Variants in SPPL3 observed in about 807,000 individuals in gnomAD.
The protein encoded by SPPL3 is signal peptide peptidase-like 3.
In SPPL3, 5 loss-of-function variants were observed where a neutral mutation model predicts 42.4. The ratio of observed to expected loss-of-function variants is 0.12; its 90% CI spans 0.06 to 0.25. SPPL3 has a LOEUF of 0.25. Among genes scored for constraint, SPPL3 ranks in the 10% least tolerant of loss-of-function variants. The pLI, the probability that SPPL3 is intolerant of heterozygous loss-of-function variation, is 1.00. For missense variants in SPPL3, 235 were observed against 489.0 expected, an observed-to-expected ratio of 0.48 and a Z score of 4.90; for synonymous variants, 195 against 181.8, an observed-to-expected ratio of 1.07 and a Z score of -0.58.
intron 1 of SPPL3, among the ~76,000 whole-genome samples, chr12:120,866,749 G>C (rs752949434): frequency 3.3e-5 from 5 of 152,132 alleles, no homozygotes; most frequent in Admixed American, 6.5e-5. Flanking sequence ...TGATTTTTCT[G>C]AACTTTTGGC....
intron 2 of SPPL3, among the ~76,000 whole-genome samples, chr12:120,809,776 T>A (rs1279117442): frequency 2.6e-5 from 4 of 152,292 alleles, no homozygotes; most frequent in South Asian, 2.1e-4. Context: ...TACCTGGTAA[T>A]GCTACAAGGC....
Position 120,778,791 on chromosome 12 carries a change from G to GA in SPPL3, c.502+3863dup, listed in dbSNP as rs1458546131. ...TGTACTGGTCAAAGTCACTTACGAA[G>GA]AAAAAAAATTCCTAGATGCAGAAGG... On this transcript the variant is annotated intron_variant, in intron 6 of 10. Transcript: ENST00000353487. Among the ~76,000 whole-genome samples, 41 of 151,754 alleles carry GA rather than the reference G, an allele frequency of 2.7e-4. 1 individual carries two copies. Among genetic ancestry groups the GA allele is most frequent in the Admixed American group, 2.4e-3 (37 of 15,254 alleles).
chr12:120,827,116 G>A (rs538057039), intron 1 of SPPL3, among the ~76,000 whole-genome samples: 22 of 151,904 alleles, frequency 1.4e-4, no homozygotes, highest in South Asian at 8.3e-4. Flanking sequence ...TTGAAAGTGT[G>A]GGTTTTAAAG....
At chr12:120,839,277 A>G (rs1167322615) in intron 1 of SPPL3, among the ~76,000 whole-genome samples, 1 of 147,704 alleles carries the variant, frequency 6.8e-6, no homozygotes, top group Non-Finnish European at 1.5e-5. Context: ...CAAACACCGC[A>G]TGTTCTCACT....
chr12:120,767,428 G>C lies in SPPL3; in HGVS notation c.939C>G (p.Ser313=). Residue 313 remains serine (S), a synonymous_variant, in exon 9 of 11, where the codon TCC becomes TCG. Coordinates refer to ENST00000353487, the MANE Select transcript of SPPL3 (RefSeq NM_139015.5). Reference sequence around the variant, plus strand: ...ATCCGATGAGGGTGCAGTGAAAGTAGGAGACCTTCTGCATGCGCCCGGAGA... The same window carrying C: ...ATCCGATGAGGGTGCAGTGAAAGTACGAGACCTTCTGCATGCGCCCGGAGA... ...ANISGRMQKV[S]YFHCTLIGYF... is the part of the protein sequence containing the mutation. 1 of 1,613,618 alleles carries C rather than the reference G, an allele frequency of 6.2e-7. No individual in the cohort carries two copies. Among genetic ancestry groups the C allele is most frequent in the South Asian group, 1.1e-5 (1 of 91,070 alleles).
At position 120,776,297 on chromosome 12, in the gene SPPL3, A is replaced by G. The variant is rs775747326; in HGVS notation, c.502+6358T>C. ...TTTCAACTATGAAGTGAATTTTCCA[A>G]TGGAAATGTACTTCTGATAGCGGCC... is the stretch of plus-strand genomic sequence containing the variant. On this transcript the variant is annotated intron_variant, in intron 6 of 10. Coordinates refer to ENST00000353487, the MANE Select transcript of SPPL3 (RefSeq NM_139015.5). 6.6e-4 allele frequency among the ~76,000 whole-genome samples: 100 copies of G among 152,338 alleles called. 1 individual carries two copies. The highest frequency in any genetic ancestry group is 4.4e-4 in the Non-Finnish European group (30 of 68,032).
chr12:120,851,680 T>A (rs887849775), intron 1 of SPPL3, among the ~76,000 whole-genome samples: 2 of 152,174 alleles, frequency 1.3e-5, no homozygotes, highest in African/African-American at 4.8e-5. Flanking sequence ...CACGACTGAC[T>A]GGAGCCTTGA....
intron 6 of SPPL3, among the ~76,000 whole-genome samples, chr12:120,772,974 T>G (rs1300039679): frequency 6.6e-6 from 1 of 152,248 alleles, no homozygotes; most frequent in Non-Finnish European, 1.5e-5. Context: ...AGGTCTCCTT[T>G]AATTTTTAAA....
rs137948660 is a variant in SPPL3, at chr12:120,804,971, A to T, written c.101+5838T>A. 4.5e-3 allele frequency among the ~76,000 whole-genome samples: 691 copies of T among 152,330 alleles called. 4 individuals are homozygous for T. The highest frequency in any genetic ancestry group is 0.015 in the African/African-American group (627 of 41,586). On this transcript the variant is annotated intron_variant, in intron 2 of 10. Coordinates refer to ENST00000353487, the MANE Select transcript of SPPL3 (RefSeq NM_139015.5). Reference sequence around the variant, plus strand: ...AACATGCTAAGTGAAAGAAGCCAGTAACAAAAGGTCACATACTGTATGACA... The same window carrying T: ...AACATGCTAAGTGAAAGAAGCCAGTTACAAAAGGTCACATACTGTATGACA...
intron 1 of SPPL3, among the ~76,000 whole-genome samples, chr12:120,819,685 CAGCAGA>C (rs1166039238): frequency 6.6e-6 from 1 of 152,192 alleles, no homozygotes; most frequent in Non-Finnish European, 1.5e-5. Context: ...CTTTGGAATA[CAGCAGA>C]AGTGCTTTGT....
intron 1 of SPPL3, among the ~76,000 whole-genome samples, chr12:120,865,073 A>G (rs1339050085): frequency 6.6e-6 from 1 of 152,200 alleles, no homozygotes; most frequent in Admixed American, 6.5e-5. Context: ...TGAGGATCCC[A>G]TGAGAGATTT....
rs915628127 is a variant in SPPL3, at chr12:120,904,272, G to C, written c.-405C>G. 5.9e-6 allele frequency: 1 copy of C among 170,572 alleles called. No homozygotes were observed. The highest frequency in any genetic ancestry group is 1.2e-5 in the Non-Finnish European group (1 of 81,816). The allele number at this position is 170,572 out of a possible 1,614,324, so 10.6% of individuals were successfully genotyped here. A position where few individuals can be genotyped will look rare whatever the true frequency, so the allele number is the denominator to read the frequency against. On this transcript the variant is annotated 5_prime_UTR_variant, in exon 1 of 11. Coordinates refer to ENST00000353487, the MANE Select transcript of SPPL3 (RefSeq NM_139015.5). Reference sequence around the variant, plus strand: ...CGGGCGGCGGCGGCGGCGGCCGGGGGACATGGCCGGCGGGCGGAGGCGGCG... The same window carrying C: ...CGGGCGGCGGCGGCGGCGGCCGGGGCACATGGCCGGCGGGCGGAGGCGGCG...
chr12:120,847,228 G>A (rs1352841692), intron 1 of SPPL3, among the ~76,000 whole-genome samples: 4 of 152,064 alleles, frequency 2.6e-5, no homozygotes, highest in African/African-American at 9.7e-5. Context: ...ATTAGAGAGG[G>A]AAAAAGAAGA....
At chr12:120,840,783 G>A (rs1871797235) in intron 1 of SPPL3, among the ~76,000 whole-genome samples, 1 of 152,040 alleles carries the variant, frequency 6.6e-6, no homozygotes, top group African/African-American at 2.4e-5. Flanking sequence ...AGTGAGACAA[G>A]ATTGTGCCAT....
intron 1 of SPPL3, among the ~76,000 whole-genome samples, chr12:120,879,981 CTT>C (rs561660479): frequency 3.5e-5 from 5 of 142,910 alleles, no homozygotes; most frequent in African/African-American, 7.7e-5. Context: ...CTGCTTTTAT[CTT>C]TTTTTTTTTT....
At chr12:120,792,332 G>C (rs1345175049) in intron 2 of SPPL3, among the ~76,000 whole-genome samples, 1 of 92,654 alleles carries the variant, frequency 1.1e-5, no homozygotes, top group Non-Finnish European at 2.1e-5. Flanking sequence ...GTGTACAAAA[G>C]CTTGCTCATT....
intron 1 of SPPL3, among the ~76,000 whole-genome samples, chr12:120,899,683 G>C (rs1343683252): frequency 1.3e-5 from 2 of 151,902 alleles, no homozygotes; most frequent in Non-Finnish European, 2.9e-5. Flanking sequence ...CTGAGGTCAG[G>C]AGATCAAGAC....
chr12:120,842,589 C>A (rs144383605), intron 1 of SPPL3, among the ~76,000 whole-genome samples: 20 of 151,930 alleles, frequency 1.3e-4, no homozygotes, highest in African/African-American at 4.8e-4. Context: ...GATTCAGGTG[C>A]CAGTAGATTC....
chr12:120,886,104 A>C (rs1210759296), intron 1 of SPPL3, among the ~76,000 whole-genome samples: 1 of 151,674 alleles, frequency 6.6e-6, no homozygotes, highest in Admixed American at 6.6e-5. Context: ...CAGCCTCCCC[A>C]AGTGCTGGGA....
Sources: gnomAD v4.1 joint callset for allele counts (sites outside exome capture counted in the v4.1 genomes callset) on GRCh38, gnomAD v4.1.1 for gene constraint, MANE v1.5 for transcripts, NCBI Gene and HGNC (gene_info 2026-07-23, HGNC 2026-07-21) for gene names.